Variants in SGCZ observed in about 807,000 individuals in gnomAD.
SGCZ encodes the protein sarcoglycan zeta, also known as zeta-sarcoglycan.
SGCZ carries 40 observed loss-of-function variants against 41.3 expected under a neutral mutation model. That is an observed-to-expected ratio of 0.97 (90% confidence interval 0.75 to 1.26). The LOEUF (loss-of-function observed/expected upper bound fraction) is 1.26. Ranked by LOEUF, SGCZ falls within the 50% of genes most tolerant of loss-of-function variation. The pLI, the probability that SGCZ is intolerant of heterozygous loss-of-function variation, is 0.00. For missense variants in SGCZ, 552 were observed against 369.8 expected (o/e 1.49, Z -4.04); for synonymous variants, 206 against 137.5 (o/e 1.50, Z -3.49).
At position 14,986,546 on chromosome 8, in the gene SGCZ, T is replaced by C. The variant is rs377229851; in HGVS notation, c.39+251039A>G. Among the ~76,000 whole-genome samples, 11 of 152,230 alleles carry C rather than the reference T, an allele frequency of 7.2e-5. No individual in the cohort carries two copies. In the East Asian group the frequency reaches 1.9e-3, roughly 27 times the overall value. On this transcript the variant is annotated intron_variant, in intron 1 of 7. Transcript: ENST00000382080. Reference sequence around the variant, plus strand: ...TATTTGATCTTAGGTAAATTATAATTTCCTTTCGAACAGGTAGAAATCTGA... The same window carrying C: ...TATTTGATCTTAGGTAAATTATAATCTCCTTTCGAACAGGTAGAAATCTGA...
chr8:14,206,871 G>A (rs545093213), intron 4 of SGCZ, among the ~76,000 whole-genome samples: 42 of 152,068 alleles, frequency 2.8e-4, no homozygotes, highest in Non-Finnish European at 5.4e-4. Flanking sequence ...TTGTGTCTCA[G>A]ATTCTTATAC....
intron 1 of SGCZ, among the ~76,000 whole-genome samples, chr8:14,797,159 G>A (rs1183078344): frequency 3.1e-5 from 4 of 130,776 alleles, no homozygotes; most frequent in African/African-American, 4.9e-5. Context: ...ACAGGCAGGG[G>A]TGGGGACAGT....
rs565819951 is a variant in SGCZ, at chr8:15,148,192, T to C, written c.39+89393A>G. ...ACATATCTGACATAAAATAGACACA[T>C]TGATGCCTTTTTAATTAAGTGAAGA... On this transcript the variant is annotated intron_variant, in intron 1 of 7. Coordinates refer to ENST00000382080, the MANE Select transcript of SGCZ (RefSeq NM_139167.4). 3.4e-5 allele frequency among the ~76,000 whole-genome samples: 5 copies of C among 146,118 alleles called. No homozygotes were observed. In the East Asian group the frequency reaches 7.7e-4, roughly 23 times the overall value.
chr8:14,837,308 C>T (rs973513425), intron 1 of SGCZ, among the ~76,000 whole-genome samples: 3 of 152,180 alleles, frequency 2.0e-5, no homozygotes, highest in Non-Finnish European at 4.4e-5. Flanking sequence ...ATGAAAAGGT[C>T]TGAGAAAGGT....
At chr8:14,680,096 G>A (rs1307001464) in intron 1 of SGCZ, among the ~76,000 whole-genome samples, 1 of 152,026 alleles carries the variant, frequency 6.6e-6, no homozygotes, top group Non-Finnish European at 1.5e-5. Flanking sequence ...TTCTCAGAAT[G>A]TATCTCCACT....
rs12682152 is a variant in SGCZ, at chr8:14,354,073, C to T, written c.235-29869G>A. 2.9e-4 allele frequency among the ~76,000 whole-genome samples: 44 copies of T among 152,062 alleles called. 1 individual carries two copies. In the East Asian group the frequency reaches 7.1e-3, roughly 25 times the overall value. ...GTTATTAATGTAGACATCACTATTC[C>T]ACTAAGTATCTTTGTTTTTCGGGAA... On this transcript the variant is annotated intron_variant, in intron 2 of 7. Transcript: ENST00000382080.
At chr8:14,863,376 G>A (rs150629246) in intron 1 of SGCZ, among the ~76,000 whole-genome samples, 1 of 152,228 alleles carries the variant, frequency 6.6e-6, no homozygotes, top group South Asian at 2.1e-4. Context: ...CCAGGCTGGA[G>A]TGTAGTGACA....
chr8:14,817,812 A>G (rs912520565), intron 1 of SGCZ, among the ~76,000 whole-genome samples: 6 of 152,194 alleles, frequency 3.9e-5, no homozygotes, highest in African/African-American at 1.4e-4. Flanking sequence ...GCACACAGCT[A>G]CATCCAGTTC....
At chr8:15,234,734 C>T (rs1457230) in intron 1 of SGCZ, among the ~76,000 whole-genome samples, 125,298 of 152,120 alleles carry the variant, frequency 0.82, 51,752 homozygotes, top group Non-Finnish European at 0.85. Flanking sequence ...TTTTAAAAAA[C>T]CAATGTTTGC....
intron 1 of SGCZ, among the ~76,000 whole-genome samples, chr8:14,621,431 T>C (rs1045371795): frequency 2.0e-5 from 3 of 150,516 alleles, no homozygotes; most frequent in African/African-American, 7.3e-5. Flanking sequence ...GAACTTAAAG[T>C]ATAATAAAAA....
At chr8:14,678,108 A>G (rs80156477) in intron 1 of SGCZ, among the ~76,000 whole-genome samples, 391 of 152,354 alleles carry the variant, frequency 2.6e-3, no homozygotes, top group African/African-American at 8.9e-3. Context: ...CATAGGAGAA[A>G]ATCTAGATGA....
intron 5 of SGCZ, among the ~76,000 whole-genome samples, chr8:14,119,774 G>A (rs1053597433): frequency 6.6e-6 from 1 of 152,156 alleles, no homozygotes; most frequent in Non-Finnish European, 1.5e-5. Flanking sequence ...AGCATGAAGT[G>A]GTGTTGAATT....
chr8:14,126,692 T>A (rs561750667), intron 5 of SGCZ, among the ~76,000 whole-genome samples: 3 of 152,200 alleles, frequency 2.0e-5, no homozygotes, highest in Non-Finnish European at 4.4e-5. Flanking sequence ...CACGTATGTT[T>A]ACTGCAACAC....
At chr8:14,505,422 G>T (rs553059683) in intron 2 of SGCZ, among the ~76,000 whole-genome samples, 1 of 152,050 alleles carries the variant, frequency 6.6e-6, no homozygotes, top group Admixed American at 6.6e-5. Context: ...AAATCCAAGC[G>T]CAGACAATCC....
At chr8:14,826,307 C>G (rs1294515801) in intron 1 of SGCZ, among the ~76,000 whole-genome samples, 1 of 152,070 alleles carries the variant, frequency 6.6e-6, no homozygotes, top group Non-Finnish European at 1.5e-5. Context: ...TGTATATGTG[C>G]CACATTTTCT....
intron 1 of SGCZ, among the ~76,000 whole-genome samples, chr8:14,902,278 T>G (rs1798992609): frequency 6.6e-6 from 1 of 152,130 alleles, no homozygotes; most frequent in Non-Finnish European, 1.5e-5. Context: ...CTTGTTTCTC[T>G]TGTCTTCCGT....
intron 2 of SGCZ, among the ~76,000 whole-genome samples, chr8:14,400,263 G>C (rs76867322): frequency 6.6e-6 from 1 of 151,938 alleles, no homozygotes; most frequent in African/African-American, 2.4e-5. Context: ...CCATTCATCA[G>C]TTGACATTTT....
chr8:15,032,217 T>C (rs1355334092), intron 1 of SGCZ, among the ~76,000 whole-genome samples: 1 of 152,054 alleles, frequency 6.6e-6, no homozygotes, highest in Non-Finnish European at 1.5e-5. Context: ...TAACTATCCA[T>C]ACACAAAAAA....
chr8:15,159,429 A>C (rs1323867276), intron 1 of SGCZ, among the ~76,000 whole-genome samples: 4 of 152,160 alleles, frequency 2.6e-5, no homozygotes, highest in African/African-American at 9.6e-5. Flanking sequence ...ACCAGTCATC[A>C]GAAGTTCCTG....
Sources: gnomAD v4.1 joint callset for allele counts (sites outside exome capture counted in the v4.1 genomes callset) on GRCh38, gnomAD v4.1.1 for gene constraint, MANE v1.5 for transcripts, NCBI Gene and HGNC (gene_info 2026-07-23, HGNC 2026-07-21) for gene names.